RTN3: variants seen among roughly 807,000 people sequenced by gnomAD.
RTN3 encodes the protein reticulon 3.
In RTN3, 49 loss-of-function variants were observed where a neutral mutation model predicts 77.8. The ratio of observed to expected loss-of-function variants is 0.63; its 90% CI spans 0.50 to 0.80. RTN3 has a LOEUF of 0.80. Among genes scored for constraint, RTN3 ranks in the 30% least tolerant of loss-of-function variants. The pLI is 0.00. For missense variants in RTN3, 1,236 were observed against 1,211.9 expected, an observed-to-expected ratio of 1.02 and a Z score of -0.29; for synonymous variants, 464 against 446.9, an observed-to-expected ratio of 1.04 and a Z score of -0.48.
intron 3 of RTN3, among the ~76,000 whole-genome samples, chr11:63,743,591 T>G (rs2013615016): frequency 6.6e-6 from 1 of 152,156 alleles, no homozygotes; most frequent in Non-Finnish European, 1.5e-5. Context: ...ATTGTTGTGT[T>G]TGGTTTGCTA....
intron 2 of RTN3, among the ~76,000 whole-genome samples, chr11:63,715,570 A>G (rs2011342803): frequency 3.3e-5 from 5 of 152,146 alleles, no homozygotes; most frequent in Admixed American, 3.3e-4. Flanking sequence ...AGTCAGGAAA[A>G]TCGCTTCAAT....
intron 2 of RTN3, among the ~76,000 whole-genome samples, chr11:63,711,772 C>T (rs1208924511): frequency 6.6e-6 from 1 of 152,206 alleles, no homozygotes; most frequent in Non-Finnish European, 1.5e-5. Context: ...CCATGTTGGT[C>T]AGGCTGGTCT....
intron 3 of RTN3, among the ~76,000 whole-genome samples, chr11:63,732,126 G>T (rs944496046): frequency 2.6e-5 from 4 of 151,960 alleles, no homozygotes; most frequent in African/African-American, 9.7e-5. Flanking sequence ...AATTAACAAA[G>T]CCAAAATTTG....
At chr11:63,729,300 T>C (rs373444755) in intron 3 of RTN3, among the ~76,000 whole-genome samples, 11 of 152,058 alleles carry the variant, frequency 7.2e-5, no homozygotes, top group Non-Finnish European at 1.6e-4. Context: ...TTTTTTCCTC[T>C]TAATTTCTTA....
At chr11:63,750,699 G>A (rs558803405) in intron 4 of RTN3, among the ~76,000 whole-genome samples, 13 of 151,646 alleles carry the variant, frequency 8.6e-5, no homozygotes, top group South Asian at 8.3e-4. Context: ...TGATCCGCCC[G>A]CCTCAGCCTC....
intron 2 of RTN3, among the ~76,000 whole-genome samples, chr11:63,712,999 G>A (rs930018931): frequency 6.6e-6 from 1 of 152,066 alleles, no homozygotes; most frequent in Admixed American, 6.5e-5. Flanking sequence ...GGAGGCTGAG[G>A]CAGGAGAATC....
At chr11:63,751,702 T>G (rs2014115346) in intron 4 of RTN3, among the ~76,000 whole-genome samples, 1 of 152,144 alleles carries the variant, frequency 6.6e-6, no homozygotes, top group Non-Finnish European at 1.5e-5. Context: ...ATTAAAAATT[T>G]TATTGCAGTT....
chr11:63,734,757 A>G (rs1486272074), intron 3 of RTN3, among the ~76,000 whole-genome samples: 1 of 149,962 alleles, frequency 6.7e-6, no homozygotes, highest in Non-Finnish European at 1.5e-5. Flanking sequence ...ACACACACAC[A>G]CACACACACA....
chr11:63,735,550 T>TCTCTCTCTC (rs2013032879), intron 3 of RTN3, among the ~76,000 whole-genome samples: 5 of 42,732 alleles, frequency 1.2e-4, no homozygotes, highest in Admixed American at 3.7e-4. Context: ...ATTCTAACAT[T>TCTCTCTCTC]TCTCTCTCTC....
intron 4 of RTN3, among the ~76,000 whole-genome samples, chr11:63,750,871 A>C (rs891222107): frequency 1.3e-5 from 2 of 152,018 alleles, no homozygotes; most frequent in South Asian, 4.1e-4. Context: ...AGCTGGGACT[A>C]CAGGCACCCA....
At position 63,720,079 on chromosome 11, in the gene RTN3, C is replaced by G. The variant is rs540444457; in HGVS notation, c.1577C>G (p.Ser526Cys). The change falls in exon 3 of 9, where the codon TCC becomes TGC. Residue 526 changes from serine (S) to cysteine (C), a missense_variant. Physicochemically the swap from Ser to Cys is moderately radical, Grantham distance 112 (BLOSUM62 -1). This residue lies in a region of RTN3 where 1,056 missense variants were observed against 990.4 expected (regional missense o/e 1.07). Coordinates refer to ENST00000377819, the MANE Select transcript of RTN3 (RefSeq NM_001265589.2). Reference sequence around the variant, plus strand: ...AAAATTCAGGCTGAAAAACCTGTTTCCATTCCAAGTGCTGTTGTAAAAACA... The same window carrying G: ...AAAATTCAGGCTGAAAAACCTGTTTGCATTCCAAGTGCTGTTGTAAAAACA... ...NNKIQAEKPVSIPSAVVKTGE... is the reference protein window; with the variant it reads ...NNKIQAEKPVCIPSAVVKTGE... 1.9e-6 allele frequency: 3 copies of G among 1,613,790 alleles called. No individual in the cohort carries two copies. Among genetic ancestry groups the G allele is most frequent in the Non-Finnish European group, 2.5e-6 (3 of 1,180,002 alleles).
At chr11:63,755,085 T>C (rs1307492607) in intron 7 of RTN3, among the ~76,000 whole-genome samples, 2 of 151,936 alleles carry the variant, frequency 1.3e-5, no homozygotes, top group African/African-American at 4.8e-5. Context: ...TTATTCTTTA[T>C]GGATTAAGTC....
At chr11:63,729,820 C>T (rs1181923565) in intron 3 of RTN3, among the ~76,000 whole-genome samples, 2 of 151,618 alleles carry the variant, frequency 1.3e-5, no homozygotes, top group African/African-American at 2.4e-5. Context: ...GACAGGGTCT[C>T]GCTCTGTCAC....
intron 1 of RTN3, among the ~76,000 whole-genome samples, chr11:63,703,118 A>T (rs528233987): frequency 8.6e-5 from 13 of 151,212 alleles, no homozygotes; most frequent in South Asian, 2.1e-4. Flanking sequence ...AAACAACAAT[A>T]AAAAAAAACA....
At chr11:63,713,239 T>C (rs1196480832) in intron 2 of RTN3, among the ~76,000 whole-genome samples, 8 of 152,198 alleles carry the variant, frequency 5.3e-5, no homozygotes, top group Non-Finnish European at 1.2e-4. Flanking sequence ...ATCATGGAGC[T>C]GAGTACTTGA....
chr11:63,726,373 T>A (rs2012263658), intron 3 of RTN3, among the ~76,000 whole-genome samples: 1 of 152,154 alleles, frequency 6.6e-6, no homozygotes, highest in African/African-American at 2.4e-5. Flanking sequence ...ATAGAAAACC[T>A]AAGCAGTGGA....
rs747983653 is a variant in RTN3, at chr11:63,720,711, G to A, written c.2209G>A (p.Asp737Asn). 1 of 1,614,146 alleles carries A rather than the reference G, an allele frequency of 6.2e-7. No homozygotes were observed. Among genetic ancestry groups the A allele is most frequent in the Non-Finnish European group, 8.5e-7 (1 of 1,180,020 alleles). Residue 737 changes from aspartate (D) to asparagine (N), a missense_variant, in exon 3 of 9, where the codon GAC (aspartate) becomes AAC (asparagine). Around this residue, in one of 3 missense-constraint regions of RTN3, gnomAD observed 1,056 missense variants for 990.4 expected, o/e 1.07. Transcript: ENST00000377819. The part of the protein sequence containing the change: ...PTQGTPVASL[D>N]LEQEQLTIKA... ...CCAAGGTACTCCAGTAGCATCTCTT[G>A]ACTTAGAACAAGAACAGCTCACAAT...
intron 8 of RTN3, 63 bp from the exon 9 acceptor site, chr11:63,758,093 A>G (rs1459620331): frequency 1.2e-5 from 14 of 1,189,864 alleles, no homozygotes; most frequent in Middle Eastern, 2.0e-4. Context: ...CAGTTAAAAT[A>G]AAAACCTAGA....
At chr11:63,752,730 T>C (rs2014171862) in intron 5 of RTN3, 85 bp downstream of exon 5, 1 of 1,406,122 alleles carries the variant, frequency 7.1e-7, no homozygotes. Context: ...TACATAGGAT[T>C]TTATCAGACA....
Sources: allele counts gnomAD v4.1 joint callset (sites outside exome capture counted in the v4.1 genomes callset), GRCh38; gene constraint gnomAD v4.1.1; regional missense constraint gnomAD v4.1.1; transcripts MANE v1.5; gene names NCBI Gene and HGNC (gene_info 2026-07-23, HGNC 2026-07-21).